ZNF287: variants seen among roughly 807,000 people sequenced by gnomAD.
ZNF287 encodes zinc finger protein with KRAB and SCAN domains 13.
A neutral mutation model predicts 73.7 loss-of-function variants in ZNF287; 31 were observed. The ratio of observed to expected loss-of-function variants is 0.42; its 90% CI spans 0.32 to 0.57. The LOEUF is 0.57. Ranked by LOEUF, ZNF287 falls within the 20% of genes least tolerant of loss-of-function variation. ZNF287 has a pLI of 0.13. For synonymous variants in ZNF287, 301 were observed against 307.2 expected (o/e 0.98, Z 0.21); for missense variants, 641 against 909.3 (o/e 0.70, Z 3.79).
chr17:16,565,522 T>C (rs1907694252), intron 3 of ZNF287, among the ~76,000 whole-genome samples: 1 of 152,080 alleles, frequency 6.6e-6, no homozygotes, highest in East Asian at 1.9e-4. Context: ...TATTAGTGTT[T>C]CTAACACTTT....
In ZNF287 at chr17:16,551,240, T is replaced by C. The variant is rs1267090413; in HGVS notation, c.*616A>G. ...AATAAAAGGCCTGAAAGCAGCTTAC[T>C]CTTTTCTGTAATTTTAAGATCACTC... On this transcript the variant is annotated 3_prime_UTR_variant, in exon 6 of 6. Transcript: ENST00000395825. 6.6e-6 allele frequency: 1 copy of C among 152,230 alleles called. No homozygotes were observed. The highest frequency in any genetic ancestry group is 1.9e-4 in the East Asian group (1 of 5,204). The allele number at this position is 152,230 out of a possible 1,614,324, so 9.4% of individuals were successfully genotyped here. A position where few individuals can be genotyped will look rare whatever the true frequency, so the allele number is the denominator to read the frequency against.
intron 5 of ZNF287, among the ~76,000 whole-genome samples, chr17:16,560,046 G>A (rs1026674263): frequency 2.0e-5 from 3 of 151,376 alleles, no homozygotes; most frequent in Admixed American, 1.3e-4. Context: ...TCCACCTCCC[G>A]AGTTCAAGCG....
rs1250102800 is a variant in ZNF287, at chr17:16,549,066, TA to T, written c.*2789del. 1.3e-5 allele frequency among the ~76,000 whole-genome samples: 2 copies of T among 151,824 alleles called. No individual in the cohort carries two copies. The highest frequency in any genetic ancestry group is 2.1e-4 in the South Asian group (1 of 4,828). ...TGTAAGTTACTTTCCAATGTTTGGT[TA>T]AAAAAAATACGGCAGAATGTTAGTT... On this transcript the variant is annotated 3_prime_UTR_variant, in exon 6 of 6. Transcript: ENST00000395825.
At chr17:16,560,160 C>A (rs1220089367) in intron 5 of ZNF287, among the ~76,000 whole-genome samples, 1 of 151,694 alleles carries the variant, frequency 6.6e-6, no homozygotes, top group Non-Finnish European at 1.5e-5. Context: ...CAGGGTTTTA[C>A]CATGTTGGAC....
Position 16,567,408 on chromosome 17 carries a change from C to G in ZNF287, c.324G>C (p.Trp108Cys). ...LTILPGEVRT[W>C]VKSQYPESSE... ...TGCTCTCTGGATACTGGGACTTTACCCAAGTCCTAACCTCACCAGGCAGGA... is the reference window on the plus strand; with the variant it reads ...TGCTCTCTGGATACTGGGACTTTACGCAAGTCCTAACCTCACCAGGCAGGA... The change falls in exon 2 of 6, where the codon TGG (tryptophan) becomes TGC (cysteine). Residue 108 changes from tryptophan to cysteine, a missense_variant. Coordinates refer to ENST00000395825, the MANE Select transcript of ZNF287 (RefSeq NM_020653.4). The G allele has an allele frequency of 6.2e-7, 1 of 1,614,154 alleles. No homozygotes were observed. Among genetic ancestry groups the G allele is most frequent in the Non-Finnish European group, 8.5e-7 (1 of 1,180,022 alleles).
In ZNF287 at chr17:16,551,851, A is replaced by C; in HGVS notation, c.*5T>G. The C allele has an allele frequency of 6.4e-7, 1 of 1,566,662 alleles. No individual in the cohort carries two copies. The highest frequency in any genetic ancestry group is 8.6e-7 in the Non-Finnish European group (1 of 1,156,790). On this transcript the variant is annotated 3_prime_UTR_variant, in exon 6 of 6. Transcript: ENST00000395825. ...GTAAAACCGAATTGAAGTTTCCCTT[A>C]TCCATTAATTACGATGTTTGGCACC...
In ZNF287 at chr17:16,567,764, C is replaced by T. The variant is rs1907843314; in HGVS notation, c.-33G>A. ...GACAGGAGAGTCAATCTGGCAATAT[C>T]CTTTATTTCTCCAGTAGTGAGCCAA... is the stretch of plus-strand genomic sequence containing the variant. On this transcript the variant is annotated 5_prime_UTR_variant, in exon 2 of 6. Coordinates refer to ENST00000395825, the MANE Select transcript of ZNF287 (RefSeq NM_020653.4). 8.3e-6 allele frequency: 13 copies of T among 1,572,328 alleles called. No individual in the cohort carries two copies. The highest frequency in any genetic ancestry group is 2.7e-5 in the African/African-American group (2 of 73,784).
At position 16,553,217 on chromosome 17, in the gene ZNF287, C is replaced by A; in HGVS notation, c.925G>T (p.Glu309Ter). 6.2e-7 allele frequency: 1 copy of A among 1,605,394 alleles called. No homozygotes were observed. Residue 309 changes from glutamate (E) to a stop codon, truncating the protein, a stop_gained, in exon 6 of 6, where the codon GAA (glutamate) becomes TAA (stop). Coordinates refer to ENST00000395825, the MANE Select transcript of ZNF287 (RefSeq NM_020653.4). LOFTEE classifies it high-confidence loss of function. ...TATATATCATATTTACTAAGACATT[C>A]TTCTGTAGGATCATATTCTTGTGAA... ...VLSQEYDPTE[E>*]CLSKYDIYRN...
Position 16,551,779 on chromosome 17 carries a change from G to T in ZNF287, c.*77C>A. 6.8e-7 allele frequency: 1 copy of T among 1,474,920 alleles called. No individual in the cohort carries two copies. Among genetic ancestry groups the T allele is most frequent in the South Asian group, 1.4e-5 (1 of 72,902 alleles). The allele number at this position is 1,474,920 out of a possible 1,614,324, so 91.4% of individuals were successfully genotyped here. A position where few individuals can be genotyped will look rare whatever the true frequency, so the allele number is the denominator to read the frequency against. On this transcript the variant is annotated 3_prime_UTR_variant, in exon 6 of 6. Transcript: ENST00000395825. ...TATTGCACTTCTTCAGACTTCTTCT[G>T]AATGTTCTGACACATAGAATGCACA...
At chr17:16,568,695 C>G (rs1220147391) in intron 1 of ZNF287, 2 of 152,324 alleles carry the variant, frequency 1.3e-5, no homozygotes, top group East Asian at 3.9e-4. Flanking sequence ...GATGCGACAG[C>G]CTTGCCTTGC....
At position 16,550,449 on chromosome 17, in the gene ZNF287, C is replaced by G. The variant is rs1263725381; in HGVS notation, c.*1407G>C. 6.6e-6 allele frequency among the ~76,000 whole-genome samples: 1 copy of G among 152,104 alleles called. No homozygotes were observed. The highest frequency in any genetic ancestry group is 2.4e-5 in the African/African-American group (1 of 41,424). On this transcript the variant is annotated 3_prime_UTR_variant, in exon 6 of 6. Coordinates refer to ENST00000395825, the MANE Select transcript of ZNF287 (RefSeq NM_020653.4). Reference sequence around the variant, plus strand: ...TTTCCTCACTCCACTAAAATTTCACCTTTTCCCCGACCCACATTCTGCAGT... The same window carrying G: ...TTTCCTCACTCCACTAAAATTTCACGTTTTCCCCGACCCACATTCTGCAGT...
At position 16,566,640 on chromosome 17, in the gene ZNF287, G is replaced by T. The variant is rs373581463; in HGVS notation, c.404-18C>A. 5 of 1,586,970 alleles carry T rather than the reference G, an allele frequency of 3.2e-6. No individual in the cohort carries two copies. In the African/African-American group the frequency reaches 5.4e-5, roughly 17 times the overall value. On this transcript the variant is annotated intron_variant, in intron 2 of 5. Coordinates refer to ENST00000395825, the MANE Select transcript of ZNF287 (RefSeq NM_020653.4). ...TTGAGGAGCTAGAGAAGAGAAAGAG[G>T]TCATGAGGGAGATTAGTCCTTTCTG...
intron 5 of ZNF287, among the ~76,000 whole-genome samples, chr17:16,560,060 C>T (rs1907325489): frequency 6.6e-6 from 1 of 151,026 alleles, no homozygotes; most frequent in Non-Finnish European, 1.5e-5. Flanking sequence ...TCAAGCGATT[C>T]TTCTGCCTCA....
At position 16,553,305 on chromosome 17, in the gene ZNF287, T is replaced by C. The variant is rs1170814603; in HGVS notation, c.837A>G (p.Arg279=). 1.2e-6 allele frequency: 2 copies of C among 1,614,008 alleles called. No homozygotes were observed. The highest frequency in any genetic ancestry group is 1.7e-6 in the Non-Finnish European group (2 of 1,179,918). The part of the protein sequence containing the change: ...SYDYDDRLER[R]GKGGFWKIHT... Reference sequence around the variant, plus strand: ...GAATTTTCCAGAAGCCACCTTTTCCTCGCCTCTCTAGTCTATCATCGTAGT... The same window carrying C: ...GAATTTTCCAGAAGCCACCTTTTCCCCGCCTCTCTAGTCTATCATCGTAGT... Residue 279 remains arginine, a synonymous_variant, in exon 6 of 6, where the codon CGA becomes CGG. Coordinates refer to ENST00000395825, the MANE Select transcript of ZNF287 (RefSeq NM_020653.4).
chr17:16,556,261 C>T (rs57260440), intron 5 of ZNF287, among the ~76,000 whole-genome samples: 4,372 of 152,102 alleles, frequency 0.029, 211 homozygotes, highest in African/African-American at 0.1. Flanking sequence ...CTTCCTTGTA[C>T]TCCTTGAATT....
rs188162380 is a variant in ZNF287, at chr17:16,550,167, C to T, written c.*1689G>A. On this transcript the variant is annotated 3_prime_UTR_variant, in exon 6 of 6. Transcript: ENST00000395825. ...CAGTTTTCCTTTTGAGACCCACAAA[C>T]CCAGTTATCATTGTTTAATGATTAC... 6.6e-5 allele frequency among the ~76,000 whole-genome samples: 10 copies of T among 152,250 alleles called. No individual in the cohort carries two copies. The highest frequency in any genetic ancestry group is 1.3e-4 in the Non-Finnish European group (9 of 68,006).
rs1027197762 is a variant in ZNF287 at position 16,550,875 on chromosome 17, G to A, written c.*981C>T. ...TATACCTACTTTTTTCCTTCAGGAT[G>A]ACCTTGAATGTCAAAACCTAGTGAA... On this transcript the variant is annotated 3_prime_UTR_variant, in exon 6 of 6. Transcript: ENST00000395825. 6.6e-6 allele frequency among the ~76,000 whole-genome samples: 1 copy of A among 152,158 alleles called. No individual in the cohort carries two copies. The highest frequency in any genetic ancestry group is 2.4e-5 in the African/African-American group (1 of 41,444).
chr17:16,553,434 A>T lies in ZNF287; in HGVS notation c.716-8T>A, dbSNP rs747769720. ...GGGCTTTAGTTTCCCATTCTGAAAT[A>T]AAAAATATATTAAAAAATCTTCATT... On this transcript the variant is annotated splice_polypyrimidine_tract_variant and splice_region_variant and intron_variant, in intron 5 of 5. Coordinates refer to ENST00000395825, the MANE Select transcript of ZNF287 (RefSeq NM_020653.4). 2.0e-6 allele frequency: 3 copies of T among 1,470,214 alleles called. No homozygotes were observed. In the South Asian group the frequency reaches 4.6e-5, roughly 22 times the overall value. 91.1% of individuals were successfully genotyped at this position (1,470,214 alleles called of 1,614,324 possible).
intron 3 of ZNF287, among the ~76,000 whole-genome samples, chr17:16,565,910 C>T (rs895761725): frequency 3.3e-5 from 5 of 152,106 alleles, no homozygotes; most frequent in African/African-American, 1.2e-4. Flanking sequence ...TCACTTGAAC[C>T]CAGGAGGTGG....
Sources: gnomAD v4.1 joint callset for allele counts (sites outside exome capture counted in the v4.1 genomes callset) on GRCh38, gnomAD v4.1.1 for gene constraint, MANE v1.5 for transcripts, NCBI Gene and HGNC (gene_info 2026-07-23, HGNC 2026-07-21) for gene names.